Variants in CACNA2D1 observed in about 807,000 individuals in gnomAD.
CACNA2D1 encodes calcium voltage-gated channel auxiliary subunit alpha2delta 1.
Under a neutral mutation model 171.5 loss-of-function variants are expected in CACNA2D1, and 53 were observed. The observed-to-expected ratio is 0.31, with a 90% CI of 0.25 to 0.39. CACNA2D1 has a LOEUF of 0.39. Among genes scored for constraint, CACNA2D1 ranks in the 10% least tolerant of loss-of-function variants. CACNA2D1 has a pLI of 1.00. For synonymous variants in CACNA2D1, 442 were observed against 443.1 expected (o/e 1.00, Z 0.03); for missense variants, 903 against 1,299.8 (o/e 0.69, Z 4.69).
chr7:82,163,655 T>C (rs759372138), intron 4 of CACNA2D1, among the ~76,000 whole-genome samples: 2 of 152,018 alleles, frequency 1.3e-5, no homozygotes, highest in Non-Finnish European at 2.9e-5. Flanking sequence ...AAAAACCTTT[T>C]GGGTTGGAAA....
chr7:81,962,379 G>T, intron 35 of CACNA2D1, 61 bp downstream of exon 35: 3 of 1,177,252 alleles, frequency 2.5e-6, no homozygotes, highest in Non-Finnish European at 2.5e-6. Context: ...TGAACTTCAA[G>T]CACATCCCAA....
chr7:82,379,292 C>T (rs1406554885), intron 1 of CACNA2D1, among the ~76,000 whole-genome samples: 3 of 144,404 alleles, frequency 2.1e-5, no homozygotes, highest in African/African-American at 7.9e-5. Flanking sequence ...TCACAAGAAT[C>T]CATGGAAACA....
At chr7:81,962,376 C>A in intron 35 of CACNA2D1, 64 bp downstream of exon 35, 1 of 1,158,766 alleles carries the variant, frequency 8.6e-7, no homozygotes, top group East Asian at 2.4e-5. Flanking sequence ...TGTTGAACTT[C>A]AAGCACATCC....
chr7:82,228,859 G>GC (rs1802616806), intron 3 of CACNA2D1, among the ~76,000 whole-genome samples: 1 of 152,010 alleles, frequency 6.6e-6, no homozygotes, highest in African/African-American at 2.4e-5. Flanking sequence ...CAGTGCCTGT[G>GC]CCCCACTCCA....
At chr7:82,427,753 A>C (rs1029236897) in intron 1 of CACNA2D1, among the ~76,000 whole-genome samples, 1 of 152,212 alleles carries the variant, frequency 6.6e-6, no homozygotes, top group African/African-American at 2.4e-5. Flanking sequence ...TCTGATGTTC[A>C]AAAGCATCAA....
chr7:81,959,659 C>T lies in CACNA2D1; in HGVS notation c.3076+61G>A, dbSNP rs80212115. On this transcript the variant is annotated intron_variant, in intron 37 of 38. Coordinates refer to ENST00000356860, the MANE Select transcript of CACNA2D1 (RefSeq NM_000722.4). Reference sequence around the variant, plus strand: ...CTCTTTATGAATATAAACAATGTGACAAGATTCAAAATGCATTAAGATGGT... The same window carrying T: ...CTCTTTATGAATATAAACAATGTGATAAGATTCAAAATGCATTAAGATGGT... The T allele has an allele frequency of 8.3e-4, 1,255 of 1,509,298 alleles. 14 individuals are homozygous for T. The African/African-American group carries it at 0.016, about 19-fold the overall frequency. The allele number at this position is 1,509,298 out of a possible 1,614,324, so 93.5% of individuals were successfully genotyped here.
intron 3 of CACNA2D1, among the ~76,000 whole-genome samples, chr7:82,289,752 G>T (rs7799112): frequency 0.11 from 16,418 of 152,230 alleles, 1,980 homozygotes; most frequent in African/African-American, 0.29. Context: ...AAACGTGACT[G>T]AAAAGGGAGG....
chr7:82,011,913 A>G (rs1257284123), intron 15 of CACNA2D1: 4 of 398,960 alleles, frequency 1.0e-5, no homozygotes, highest in Non-Finnish European at 1.8e-5. Context: ...TGGAAATTCT[A>G]CATTCCCAAT....
At chr7:82,176,447 A>G (rs570517410) in intron 3 of CACNA2D1, among the ~76,000 whole-genome samples, 137 of 152,182 alleles carry the variant, frequency 9.0e-4, no homozygotes, top group Non-Finnish European at 1.4e-3. Context: ...CTTCATGTGC[A>G]GAGAAATTGC....
chr7:81,984,544 A>G, intron 22 of CACNA2D1, 91 bp downstream of exon 22: 2 of 751,912 alleles, frequency 2.7e-6, no homozygotes, highest in Non-Finnish European at 4.8e-6. Context: ...AATATTTCAT[A>G]AGCCTTGGGT....
At chr7:82,151,652 C>T (rs150581837) in intron 4 of CACNA2D1, among the ~76,000 whole-genome samples, 514 of 152,108 alleles carry the variant, frequency 3.4e-3, no homozygotes, top group African/African-American at 0.012. Flanking sequence ...GGTGTCACTT[C>T]GGTGGAGAGC....
chr7:82,211,633 A>G (rs1800565723), intron 3 of CACNA2D1, among the ~76,000 whole-genome samples: 1 of 152,138 alleles, frequency 6.6e-6, no homozygotes, highest in Non-Finnish European at 1.5e-5. Flanking sequence ...GGTTGATTCC[A>G]TGTCTTTGCA....
chr7:82,109,532 C>A (rs1280152438), intron 6 of CACNA2D1, among the ~76,000 whole-genome samples: 1 of 152,094 alleles, frequency 6.6e-6, no homozygotes, highest in East Asian at 1.9e-4. Context: ...GAGTCAGCAT[C>A]CTGTAAAATT....
intron 3 of CACNA2D1, among the ~76,000 whole-genome samples, chr7:82,273,559 C>T (rs1204049343): frequency 6.6e-6 from 1 of 152,064 alleles, no homozygotes; most frequent in Non-Finnish European, 1.5e-5. Context: ...GTGATCATAG[C>T]ACACTGAGGC....
chr7:82,424,151 A>T (rs1828969061), intron 1 of CACNA2D1, among the ~76,000 whole-genome samples: 1 of 152,144 alleles, frequency 6.6e-6, no homozygotes, highest in African/African-American at 2.4e-5. Flanking sequence ...CCCTGGTGCT[A>T]GCAAATTAAT....
At position 82,084,914 on chromosome 7, in the gene CACNA2D1, G is replaced by T; in HGVS notation, c.527-14C>A. ...ACACAATTGTTGCTAACAAAAAAGA[G>T]AGAAACCATTAATTAATTCAAATTT... On this transcript the variant is annotated splice_polypyrimidine_tract_variant and intron_variant, in intron 6 of 38. Transcript: ENST00000356860. 6.2e-7 allele frequency: 1 copy of T among 1,603,090 alleles called. No individual in the cohort carries two copies. Among genetic ancestry groups the T allele is most frequent in the Non-Finnish European group, 8.5e-7 (1 of 1,170,050 alleles).
intron 3 of CACNA2D1, among the ~76,000 whole-genome samples, chr7:82,274,351 G>A (rs1809039023): frequency 6.6e-6 from 1 of 151,828 alleles, no homozygotes; most frequent in Non-Finnish European, 1.5e-5. Flanking sequence ...TTTCTTTATT[G>A]CATATTTACT....
chr7:81,978,886 A>G (rs1177529760), intron 24 of CACNA2D1, among the ~76,000 whole-genome samples: 5 of 151,428 alleles, frequency 3.3e-5, no homozygotes, highest in African/African-American at 1.2e-4. Context: ...GTGGACATTC[A>G]TTGGCCTGTC....
intron 12 of CACNA2D1, among the ~76,000 whole-genome samples, chr7:82,031,198 G>A (rs752251484): frequency 3.3e-5 from 5 of 151,738 alleles, no homozygotes; most frequent in Non-Finnish European, 5.9e-5. Flanking sequence ...TATGTATATG[G>A]CTTTGCACAG....
Sources: gnomAD v4.1 joint callset for allele counts (sites outside exome capture counted in the v4.1 genomes callset) on GRCh38, gnomAD v4.1.1 for gene constraint, MANE v1.5 for transcripts, NCBI Gene and HGNC (gene_info 2026-07-23, HGNC 2026-07-21) for gene names.